CDH13: variants seen among roughly 807,000 people sequenced by gnomAD.
CDH13 encodes cadherin-13.
In CDH13, 24 loss-of-function variants were observed where a neutral mutation model predicts 63.8. The ratio of observed to expected loss-of-function variants is 0.38; its 90% confidence interval spans 0.27 to 0.53. CDH13 has a LOEUF of 0.53. Among genes scored for constraint, CDH13 ranks in the 20% least tolerant of loss-of-function variants. The pLI, the probability that CDH13 is intolerant of heterozygous loss-of-function variation, is 0.85. For missense variants in CDH13, 1,049 were observed against 903.1 expected, an observed-to-expected ratio of 1.16 and a Z score of -2.07; for synonymous variants, 503 against 355.3, an observed-to-expected ratio of 1.42 and a Z score of -4.67.
chr16:83,695,654 T>C (rs1004662860), intron 10 of CDH13, among the ~76,000 whole-genome samples: 3 of 152,110 alleles, frequency 2.0e-5, no homozygotes, highest in Admixed American at 1.3e-4. Flanking sequence ...TTAAAATGAT[T>C]AGGGGAAAAG....
intron 6 of CDH13, among the ~76,000 whole-genome samples, chr16:83,359,209 G>T (rs1004316274): frequency 1.1e-4 from 16 of 152,126 alleles, no homozygotes; most frequent in Admixed American, 5.2e-4. Flanking sequence ...ATCTCCAAAA[G>T]ATCTGGTTTT....
At chr16:83,037,960 A>G (rs2151483412) in intron 3 of CDH13, among the ~76,000 whole-genome samples, 1 of 152,294 alleles carries the variant, frequency 6.6e-6, no homozygotes, top group East Asian at 1.9e-4. Flanking sequence ...AGGAAGGATA[A>G]GGAACTGAGG....
rs534993245 is a variant in CDH13 at position 83,067,508 on chromosome 16, G to A, written c.366+35290G>A. On this transcript the variant is annotated intron_variant, in intron 3 of 13. Transcript: ENST00000567109. ...GCTCAAGAAATGATAGGAAACAAAC[G>A]TACAAACGACAAGCATTTTTTGCTG... Among the ~76,000 whole-genome samples, 44 of 152,256 alleles carry A rather than the reference G, an allele frequency of 2.9e-4. No homozygotes were observed. In the South Asian group the frequency reaches 7.9e-3, roughly 27 times the overall value.
At chr16:82,702,281 T>C (rs184076150) in intron 1 of CDH13, among the ~76,000 whole-genome samples, 1 of 151,898 alleles carries the variant, frequency 6.6e-6, no homozygotes, top group East Asian at 2.0e-4. Flanking sequence ...TGCTCCTCTG[T>C]GTGAATAATT....
intron 10 of CDH13, among the ~76,000 whole-genome samples, chr16:83,737,045 G>A (rs551953891): frequency 7.2e-5 from 11 of 152,150 alleles, no homozygotes; most frequent in Admixed American, 2.0e-4. Context: ...TAGAGAGTCC[G>A]CAGAAAAGGG....
At chr16:82,787,356 T>C (rs1397152770) in intron 1 of CDH13, among the ~76,000 whole-genome samples, 4 of 152,158 alleles carry the variant, frequency 2.6e-5, no homozygotes, top group African/African-American at 9.7e-5. Context: ...CAGCAGCACA[T>C]ATGTCCTGGG....
At chr16:83,105,676 C>G (rs2151610962) in intron 3 of CDH13, among the ~76,000 whole-genome samples, 1 of 152,116 alleles carries the variant, frequency 6.6e-6, no homozygotes, top group South Asian at 2.1e-4. Context: ...AAAAATAAAG[C>G]CTGCATTTGC....
intron 13 of CDH13, among the ~76,000 whole-genome samples, chr16:83,784,331 A>G (rs899939793): frequency 2.0e-5 from 3 of 152,114 alleles, no homozygotes; most frequent in Admixed American, 6.5e-5. Context: ...GAGTCCTGTG[A>G]GTAGAAGGAA....
At chr16:83,077,448 C>T in intron 3 of CDH13, among the ~76,000 whole-genome samples, 1 of 151,916 alleles carries the variant, frequency 6.6e-6, no homozygotes, top group Non-Finnish European at 1.5e-5. Flanking sequence ...CCACTTTGGC[C>T]TCCCAAAGTG....
At chr16:83,646,716 C>CACAA (rs1911850564) in intron 8 of CDH13, among the ~76,000 whole-genome samples, 2 of 85,178 alleles carry the variant, frequency 2.3e-5, no homozygotes, top group African/African-American at 4.1e-5. Flanking sequence ...AAAAAAAACA[C>CACAA]ACACACACAC....
chr16:82,935,560 A>T (rs540123688), intron 2 of CDH13, among the ~76,000 whole-genome samples: 3 of 152,280 alleles, frequency 2.0e-5, no homozygotes, highest in Non-Finnish European at 4.4e-5. Flanking sequence ...AAAAGGACCT[A>T]CCTTGGAAAT....
chr16:83,084,385 T>A (rs4238728), intron 3 of CDH13, among the ~76,000 whole-genome samples: 88,573 of 152,002 alleles, frequency 0.58, 27,430 homozygotes, highest in African/African-American at 0.79. Flanking sequence ...CTTCTCTTTG[T>A]GGTTTAAATG....
At chr16:82,928,455 T>C (rs1200383958) in intron 2 of CDH13, among the ~76,000 whole-genome samples, 1 of 152,202 alleles carries the variant, frequency 6.6e-6, no homozygotes, top group Non-Finnish European at 1.5e-5. Context: ...CAGATTTATA[T>C]TGCCACCAGG....
At chr16:83,123,093 G>A (rs1215875480) in intron 3 of CDH13, among the ~76,000 whole-genome samples, 1 of 152,072 alleles carries the variant, frequency 6.6e-6, no homozygotes, top group Admixed American at 6.6e-5. Flanking sequence ...GGCTGCAAAA[G>A]ACATGATTTT....
rs1904275714 is a variant in CDH13 at position 83,795,193 on chromosome 16, TTCA to T, written c.*168_*170del. On this transcript the variant is annotated 3_prime_UTR_variant, in exon 14 of 14. Coordinates refer to ENST00000567109, the MANE Select transcript of CDH13 (RefSeq NM_001257.5). The stretch of plus-strand genomic sequence containing the variant: ...CTTTACAATTTCACTTAGTCTGTAC[TTCA>T]TCATTTTGACAGCATCTTCCTCCCT... The T allele has an allele frequency of 1.7e-6, 1 of 581,936 alleles. No individual in the cohort carries two copies. The allele number at this position is 581,936 out of a possible 1,614,324, so 36.0% of individuals were successfully genotyped here.
intron 2 of CDH13, among the ~76,000 whole-genome samples, chr16:82,891,054 TAA>T (rs765809624): frequency 4.4e-5 from 6 of 137,290 alleles, no homozygotes; most frequent in Admixed American, 1.5e-4. Flanking sequence ...TTTTTTTTTT[TAA>T]GTTTTGTTGT....
In CDH13 at chr16:83,355,734, G is replaced by C. The variant is rs140615919; in HGVS notation, c.781+10728G>C. Among the ~76,000 whole-genome samples the C allele has an allele frequency of 1.4e-3, 207 of 152,284 alleles. 1 individual carries two copies. Among genetic ancestry groups the C allele is most frequent in the African/African-American group, 4.8e-3 (200 of 41,550 alleles). On this transcript the variant is annotated intron_variant, in intron 6 of 13. Transcript: ENST00000567109. ...TGCTGACTCTGTAGAGCTTGCAGACGAAAGAGGAAGTCAGTAAATAAAGCA... is the reference window on the plus strand; with the variant it reads ...TGCTGACTCTGTAGAGCTTGCAGACCAAAGAGGAAGTCAGTAAATAAAGCA...
chr16:82,900,678 G>T (rs2041435441), intron 2 of CDH13, among the ~76,000 whole-genome samples: 2 of 152,222 alleles, frequency 1.3e-5, no homozygotes, highest in Non-Finnish European at 2.9e-5. Flanking sequence ...TCCCCGAGGA[G>T]ACGGGAGGGA....
rs369242122 is a variant in CDH13 at position 82,627,117 on chromosome 16, C to A, written c.25C>A (p.Leu9Met). Residue 9 changes from leucine (L) to methionine (M), a missense_variant, in exon 1 of 14, where the codon CTG (leucine) becomes ATG (methionine). Leu to Met is a conservative substitution (Grantham distance 15). Transcript: ENST00000567109. Reference sequence around the variant, plus strand: ...AATGCAGCCGAGAACTCCGCTCGTTCTGTGCGTTCTCCTGTCCCAGGTAGG... The same window carrying A: ...AATGCAGCCGAGAACTCCGCTCGTTATGTGCGTTCTCCTGTCCCAGGTAGG... MQPRTPLV[L>M]CVLLSQVLLL... 1 of 1,606,920 alleles carries A rather than the reference C, an allele frequency of 6.2e-7. No individual in the cohort carries two copies. Among genetic ancestry groups the A allele is most frequent in the Middle Eastern group, 1.7e-4 (1 of 5,898 alleles).
Sources: allele counts gnomAD v4.1 joint callset (sites outside exome capture counted in the v4.1 genomes callset), GRCh38; gene constraint gnomAD v4.1.1; transcripts MANE v1.5; gene names NCBI Gene and HGNC (gene_info 2026-07-23, HGNC 2026-07-21).